The following LRP1B variants were observed in gnomAD, a reference collection of about 807,000 sequenced individuals.
LRP1B encodes LDL receptor related protein 1B, also known as low-density lipoprotein receptor-related protein 1B.
A neutral mutation model predicts 556.6 loss-of-function variants in LRP1B; 217 were observed. That is an observed-to-expected ratio of 0.39 (90% confidence interval 0.35 to 0.44). LRP1B has a LOEUF of 0.44. Among genes scored for constraint, LRP1B ranks in the 20% least tolerant of loss-of-function variants. The pLI is 1.00. For synonymous variants in LRP1B, 2,047 were observed against 1,865.8 expected, an observed-to-expected ratio of 1.10 and a Z score of -2.50; for missense variants, 5,053 against 5,620.8, an observed-to-expected ratio of 0.90 and a Z score of 3.23.
chr2:140,780,449 C>G (rs1689658212), intron 32 of LRP1B, among the ~76,000 whole-genome samples: 1 of 152,144 alleles, frequency 6.6e-6, no homozygotes, highest in Non-Finnish European at 1.5e-5. Context: ...GCCAAAGCCC[C>G]TCACCATGGG....
At chr2:141,193,073 CA>C (rs1681589844) in intron 6 of LRP1B, among the ~76,000 whole-genome samples, 3 of 151,740 alleles carry the variant, frequency 2.0e-5, no homozygotes, top group Admixed American at 6.6e-5. Flanking sequence ...ATTTTAAAGT[CA>C]AAAAATAACA....
chr2:140,311,643 G>T (rs1282463991), intron 83 of LRP1B, among the ~76,000 whole-genome samples: 1 of 151,722 alleles, frequency 6.6e-6, no homozygotes, highest in Non-Finnish European at 1.5e-5. Flanking sequence ...TAACAAAACT[G>T]CACTTGTATT....
Position 140,278,697 on chromosome 2 carries a change from T to C in LRP1B, c.12968-4099A>G, listed in dbSNP as rs1348010916. Among the ~76,000 whole-genome samples the C allele has an allele frequency of 2.0e-5, 3 of 152,048 alleles. No individual in the cohort carries two copies. In the East Asian group the frequency reaches 5.8e-4, roughly 29 times the overall value. ...ATATTAGAATTTACACTTTAATAAATAATTCTAAATTGCATGTTTTTAAGC... is the reference window on the plus strand; with the variant it reads ...ATATTAGAATTTACACTTTAATAAACAATTCTAAATTGCATGTTTTTAAGC... On this transcript the variant is annotated intron_variant, in intron 84 of 90. Transcript: ENST00000389484.
At chr2:141,624,061 A>T (rs1325556650) in intron 2 of LRP1B, among the ~76,000 whole-genome samples, 1 of 146,466 alleles carries the variant, frequency 6.8e-6, no homozygotes, top group Admixed American at 6.9e-5. Context: ...AAGAAAAAAA[A>T]CAAGATTAGT....
At chr2:141,789,640 A>G (rs1695545230) in intron 2 of LRP1B, among the ~76,000 whole-genome samples, 1 of 151,900 alleles carries the variant, frequency 6.6e-6, no homozygotes. Context: ...TTGCTTTTAT[A>G]AGGATGTCAG....
chr2:140,913,881 A>C (rs1694496987), intron 21 of LRP1B, among the ~76,000 whole-genome samples: 1 of 152,126 alleles, frequency 6.6e-6, no homozygotes, highest in African/African-American at 2.4e-5. Context: ...ACGCAGTTTT[A>C]CATGCTGAAT....
intron 68 of LRP1B, 48 bp from the exon 69 acceptor site, chr2:140,373,185 CT>C (rs1558837041): frequency 6.6e-7 from 1 of 1,506,396 alleles, no homozygotes; most frequent in Non-Finnish European, 9.1e-7. Context: ...TTTAGAAACA[CT>C]TCTACACACT....
At chr2:141,426,169 A>C (rs1680355797) in intron 3 of LRP1B, among the ~76,000 whole-genome samples, 1 of 151,986 alleles carries the variant, frequency 6.6e-6, no homozygotes, top group African/African-American at 2.4e-5. Flanking sequence ...ACCATTTATT[A>C]AATAGGTAAT....
At chr2:140,526,698 CAAAAAAAA>C (rs35329112) in intron 47 of LRP1B, among the ~76,000 whole-genome samples, 1 of 136,300 alleles carries the variant, frequency 7.3e-6, no homozygotes, top group Non-Finnish European at 1.6e-5. Flanking sequence ...AGCACTGAGC[CAAAAAAAA>C]AAAAAAAAGA....
chr2:140,466,876 C>T (rs986352636), intron 60 of LRP1B, among the ~76,000 whole-genome samples: 22 of 152,174 alleles, frequency 1.4e-4, no homozygotes, highest in African/African-American at 5.3e-4. Flanking sequence ...TACTACCTAC[C>T]TGCCTAAAAT....
intron 2 of LRP1B, among the ~76,000 whole-genome samples, chr2:141,500,375 C>T (rs540773492): frequency 2.3e-4 from 35 of 152,170 alleles, no homozygotes; most frequent in Non-Finnish European, 3.7e-4. Context: ...TGTGTGCATA[C>T]GAAAATAAAC....
At chr2:140,253,772 A>AC (rs1482622856) in intron 86 of LRP1B, among the ~76,000 whole-genome samples, 1 of 152,152 alleles carries the variant, frequency 6.6e-6, no homozygotes, top group Non-Finnish European at 1.5e-5. Context: ...GAAAAGGAAA[A>AC]CGAACTATCA....
At chr2:141,630,835 C>A (rs1427515819) in intron 2 of LRP1B, among the ~76,000 whole-genome samples, 1 of 152,154 alleles carries the variant, frequency 6.6e-6, no homozygotes, top group Non-Finnish European at 1.5e-5. Flanking sequence ...ATTGCATTAT[C>A]CTTTTGGGAT....
rs576778783 is a variant in LRP1B, at chr2:141,318,209, A to G, written c.344-63568T>C. Among the ~76,000 whole-genome samples the G allele has an allele frequency of 1.2e-4, 19 of 152,260 alleles. No homozygotes were observed. The South Asian group carries it at 3.9e-3, about 32-fold the overall frequency. On this transcript the variant is annotated intron_variant, in intron 3 of 90. Coordinates refer to ENST00000389484, the MANE Select transcript of LRP1B (RefSeq NM_018557.3). ...TGTTAGTCACCATACCAGGTACTAC[A>G]CTAACACAAAGATTTGTAACTTGTG... is the stretch of plus-strand genomic sequence containing the variant.
At chr2:142,108,321 G>A (rs1484525543) in intron 1 of LRP1B, among the ~76,000 whole-genome samples, 1 of 151,786 alleles carries the variant, frequency 6.6e-6, no homozygotes, top group African/African-American at 2.4e-5. Context: ...CAATTCCATG[G>A]GAAATAGCAA....
intron 19 of LRP1B, among the ~76,000 whole-genome samples, chr2:140,950,737 C>A (rs905525362): frequency 6.6e-6 from 1 of 152,088 alleles, no homozygotes; most frequent in South Asian, 2.1e-4. Context: ...AGCAATCCAC[C>A]CTCCTCGGCC....
intron 3 of LRP1B, among the ~76,000 whole-genome samples, chr2:141,297,578 T>C (rs1385466479): frequency 6.6e-6 from 1 of 152,202 alleles, no homozygotes; most frequent in Non-Finnish European, 1.5e-5. Flanking sequence ...TACTAGACAC[T>C]AGTTCACATG....
At chr2:140,923,177 G>A (rs2105259105) in intron 20 of LRP1B, 30 bp from the exon 21 acceptor site, 1 of 1,555,394 alleles carries the variant, frequency 6.4e-7, no homozygotes, top group Non-Finnish European at 8.8e-7. Flanking sequence ...GAGAGAAGCA[G>A]AGGGGGGCAA....
At chr2:142,005,914 A>G (rs1702788324) in intron 1 of LRP1B, among the ~76,000 whole-genome samples, 1 of 151,908 alleles carries the variant, frequency 6.6e-6, no homozygotes, top group Non-Finnish European at 1.5e-5. Flanking sequence ...AAAAAGAAAA[A>G]AAACTGCATA....
Sources: allele counts gnomAD v4.1 joint callset (sites outside exome capture counted in the v4.1 genomes callset), GRCh38; gene constraint gnomAD v4.1.1; transcripts MANE v1.5; gene names NCBI Gene and HGNC (gene_info 2026-07-23, HGNC 2026-07-21).